Variants in MDGA2 observed in about 807,000 individuals in gnomAD.
The protein encoded by MDGA2 is MAM domain-containing glycosylphosphatidylinositol anchor protein 2.
In MDGA2, 40 loss-of-function variants were observed where a neutral mutation model predicts 117.8. That is an observed-to-expected ratio of 0.34 (90% CI 0.26 to 0.44). The LOEUF is 0.44. MDGA2 is among the 20% of genes least tolerant of loss of function. The pLI, the probability that MDGA2 is intolerant of heterozygous loss-of-function variation, is 1.00. For synonymous variants in MDGA2, 452 were observed against 439.0 expected (o/e 1.03, Z -0.37); for missense variants, 1,123 against 1,250.6 (o/e 0.90, Z 1.54).
intron 11 of MDGA2, among the ~76,000 whole-genome samples, chr14:46,878,098 A>C (rs536703322): frequency 1.1e-3 from 169 of 152,078 alleles, no homozygotes; most frequent in Non-Finnish European, 2.0e-3. Flanking sequence ...ATGCACACAG[A>C]ATTTTAAAAT....
At chr14:47,109,309 C>A (rs1459186154) in intron 5 of MDGA2, among the ~76,000 whole-genome samples, 1 of 152,184 alleles carries the variant, frequency 6.6e-6, no homozygotes, top group Non-Finnish European at 1.5e-5. Flanking sequence ...TTAAACCAGT[C>A]ATCAGGCAAT....
intron 1 of MDGA2, among the ~76,000 whole-genome samples, chr14:47,596,252 A>C (rs1043024612): frequency 5.3e-5 from 8 of 152,196 alleles, no homozygotes; most frequent in Non-Finnish European, 1.0e-4. Context: ...AAACACATAC[A>C]GTTTTGTTCT....
intron 1 of MDGA2, among the ~76,000 whole-genome samples, chr14:47,535,503 C>G (rs1286539805): frequency 6.6e-6 from 1 of 152,130 alleles, no homozygotes; most frequent in Non-Finnish European, 1.5e-5. Flanking sequence ...GAGGAGTTTG[C>G]CATTTTTCTC....
At chr14:46,981,849 A>G (rs1002086592) in intron 8 of MDGA2, among the ~76,000 whole-genome samples, 4 of 152,200 alleles carry the variant, frequency 2.6e-5, no homozygotes, top group African/African-American at 9.6e-5. Context: ...TTTAATATAC[A>G]TGGGTCTTGG....
chr14:47,221,095 C>A (rs1886282475), intron 2 of MDGA2, among the ~76,000 whole-genome samples: 1 of 151,880 alleles, frequency 6.6e-6, no homozygotes, highest in Non-Finnish European at 1.5e-5. Context: ...GGTTAGTATA[C>A]AATTTAAATA....
intron 8 of MDGA2, among the ~76,000 whole-genome samples, chr14:47,025,415 T>C (rs1390197893): frequency 1.3e-5 from 2 of 152,142 alleles, no homozygotes; most frequent in African/African-American, 4.8e-5. Flanking sequence ...CCCTGGAAAT[T>C]CTGCCTATAG....
chr14:46,845,175 G>A (rs1007567730), intron 16 of MDGA2, among the ~76,000 whole-genome samples: 2 of 152,106 alleles, frequency 1.3e-5, no homozygotes, highest in African/African-American at 4.8e-5. Context: ...GAGCCACCGC[G>A]CCCGGCCGAT....
chr14:46,989,923 T>C (rs1887019513), intron 8 of MDGA2, among the ~76,000 whole-genome samples: 1 of 152,144 alleles, frequency 6.6e-6, no homozygotes, highest in Non-Finnish European at 1.5e-5. Context: ...CAGCATTCAA[T>C]TTATCCATAT....
At chr14:47,075,020 C>G (rs949880531) in intron 6 of MDGA2, among the ~76,000 whole-genome samples, 4 of 152,226 alleles carry the variant, frequency 2.6e-5, no homozygotes, top group Non-Finnish European at 2.9e-5. Flanking sequence ...GACACATTCT[C>G]CACATAATCA....
At chr14:47,553,204 T>A (rs1895618656) in intron 1 of MDGA2, among the ~76,000 whole-genome samples, 1 of 152,242 alleles carries the variant, frequency 6.6e-6, no homozygotes, top group African/African-American at 2.4e-5. Context: ...CTATTATCAT[T>A]ATCTAACTCT....
chr14:47,169,165 T>G (rs1168882414), intron 3 of MDGA2, among the ~76,000 whole-genome samples: 1 of 152,038 alleles, frequency 6.6e-6, no homozygotes, highest in Admixed American at 6.6e-5. Flanking sequence ...TTTATTTACA[T>G]ACACCCTTCA....
intron 2 of MDGA2, among the ~76,000 whole-genome samples, chr14:47,260,690 G>A (rs1887766764): frequency 6.6e-6 from 1 of 152,006 alleles, no homozygotes; most frequent in Non-Finnish European, 1.5e-5. Flanking sequence ...ATCCTTCTTA[G>A]AGTTCTCTGA....
chr14:47,077,320 G>C (rs1890532311), intron 6 of MDGA2, among the ~76,000 whole-genome samples: 1 of 152,084 alleles, frequency 6.6e-6, no homozygotes, highest in African/African-American at 2.4e-5. Context: ...CATAGGGTTA[G>C]TGTGAAAGCT....
intron 2 of MDGA2, among the ~76,000 whole-genome samples, chr14:47,298,927 C>T (rs1271814321): frequency 6.6e-6 from 1 of 151,988 alleles, no homozygotes; most frequent in Non-Finnish European, 1.5e-5. Context: ...ACCTCGTGAT[C>T]CGCCCGCCTT....
intron 10 of MDGA2, among the ~76,000 whole-genome samples, chr14:46,886,955 T>C (rs1023015223): frequency 8.5e-5 from 13 of 152,058 alleles, no homozygotes; most frequent in Non-Finnish European, 1.2e-4. Context: ...ATTCTAAGTC[T>C]CAACCATCAG....
chr14:47,632,195 A>T (rs1389230309), intron 1 of MDGA2, among the ~76,000 whole-genome samples: 4 of 152,168 alleles, frequency 2.6e-5, no homozygotes, highest in Admixed American at 6.5e-5. Flanking sequence ...GGGCAAACTC[A>T]TCATCCTCCT....
chr14:47,643,060 G>A (rs573611912), intron 1 of MDGA2, among the ~76,000 whole-genome samples: 2 of 152,094 alleles, frequency 1.3e-5, no homozygotes, highest in Admixed American at 1.3e-4. Context: ...CACTATGTAA[G>A]CATTCGCTAT....
At chr14:47,038,574 A>C (rs1345633534) in intron 7 of MDGA2, among the ~76,000 whole-genome samples, 2 of 152,148 alleles carry the variant, frequency 1.3e-5, no homozygotes, top group African/African-American at 2.4e-5. Context: ...TAACATAAAA[A>C]TTGATTTTTA....
intron 2 of MDGA2, among the ~76,000 whole-genome samples, chr14:47,275,474 A>T (rs72680273): frequency 0.091 from 13,849 of 152,224 alleles, 783 homozygotes; most frequent in Non-Finnish European, 0.11. Context: ...TCTTTAAATA[A>T]TTAAAATAAC....
Sources: gnomAD v4.1 joint callset for allele counts (sites outside exome capture counted in the v4.1 genomes callset) on GRCh38, gnomAD v4.1.1 for gene constraint, MANE v1.5 for transcripts, NCBI Gene and HGNC (gene_info 2026-07-23, HGNC 2026-07-21) for gene names.